Variants in SORL1 observed in about 807,000 individuals in gnomAD.
SORL1 encodes the protein sortilin related receptor 1.
SORL1 carries 127 observed loss-of-function variants against 273.7 expected under a neutral mutation model. The observed-to-expected ratio is 0.46, with a 90% CI of 0.40 to 0.54. The LOEUF is 0.54. Ranked by LOEUF, SORL1 falls within the 20% of genes least tolerant of loss-of-function variation. SORL1 has a pLI of 0.00. For synonymous variants in SORL1, 1,031 were observed against 1,067.4 expected (o/e 0.97, Z 0.66); for missense variants, 2,494 against 2,846.1 (o/e 0.88, Z 2.81).
chr11:121,533,182 A>G (rs1862226422), intron 12 of SORL1, among the ~76,000 whole-genome samples: 5 of 152,116 alleles, frequency 3.3e-5, no homozygotes, highest in Admixed American at 3.3e-4. Flanking sequence ...ATAATAATAC[A>G]TCAGTAACAA....
intron 3 of SORL1, 39 bp downstream of exon 3, chr11:121,478,282 G>A: frequency 6.2e-7 from 1 of 1,600,218 alleles, no homozygotes; most frequent in Non-Finnish European, 8.5e-7. Flanking sequence ...GACTTCATGG[G>A]ACTGGGTTTT....
At chr11:121,607,532 C>T (rs1219072597) in intron 37 of SORL1, among the ~76,000 whole-genome samples, 3 of 152,196 alleles carry the variant, frequency 2.0e-5, no homozygotes, top group African/African-American at 7.2e-5. Flanking sequence ...ATGCCGCTTT[C>T]CCTGCTTTTA....
At chr11:121,625,358 CT>C (rs1863780706) in intron 46 of SORL1, 81 bp downstream of exon 46, 1 of 1,102,380 alleles carries the variant, frequency 9.1e-7, no homozygotes, top group Non-Finnish European at 1.3e-6. Flanking sequence ...GACCATGTGT[CT>C]TTCTAAAACA....
At chr11:121,512,017 G>A (rs1450421653) in intron 6 of SORL1, among the ~76,000 whole-genome samples, 1 of 152,180 alleles carries the variant, frequency 6.6e-6, no homozygotes, top group East Asian at 1.9e-4. Flanking sequence ...TGATAGATAT[G>A]CAACATTTGC....
At chr11:121,573,714 T>C (rs1379418412) in intron 23 of SORL1, among the ~76,000 whole-genome samples, 1 of 152,182 alleles carries the variant, frequency 6.6e-6, no homozygotes, top group Non-Finnish European at 1.5e-5. Flanking sequence ...CGTAGGGAGA[T>C]TAAAATTAAT....
Position 121,563,208 on chromosome 11 carries a change from A to C in SORL1, c.3049+3551A>C, listed in dbSNP as rs946170907. Among the ~76,000 whole-genome samples the C allele has an allele frequency of 2.0e-5, 3 of 152,214 alleles. No homozygotes were observed. Among genetic ancestry groups the C allele is most frequent in the African/African-American group, 7.2e-5 (3 of 41,444 alleles). ...TTGACTTCAAAGCCTGAACTTCGATAAAACCACCCGGCTCTGCTCCCTCTG... is the reference window on the plus strand; with the variant it reads ...TTGACTTCAAAGCCTGAACTTCGATCAAACCACCCGGCTCTGCTCCCTCTG... On this transcript the variant is annotated intron_variant, in intron 21 of 47. Transcript: ENST00000260197. This position sits in a 1 kb window ranked among gnomAD's most constrained non-coding sequence, Gnocchi z 4.2.
chr11:121,514,584 G>T (rs1861924415), intron 8 of SORL1, among the ~76,000 whole-genome samples: 3 of 152,136 alleles, frequency 2.0e-5, no homozygotes, highest in Admixed American at 1.3e-4. Flanking sequence ...AACATTTAGG[G>T]TCCGAGCTAC....
chr11:121,598,500 G>A (rs962656072), intron 32 of SORL1, among the ~76,000 whole-genome samples: 2 of 152,186 alleles, frequency 1.3e-5, no homozygotes, highest in African/African-American at 4.8e-5. Context: ...CTGAGGTAGT[G>A]CAAGTCATCC....
chr11:121,512,641 G>A (rs1861896811), intron 6 of SORL1, among the ~76,000 whole-genome samples: 1 of 152,182 alleles, frequency 6.6e-6, no homozygotes, highest in African/African-American at 2.4e-5. Context: ...GGGGGCCGTA[G>A]GCTCCTCCCT....
At chr11:121,455,978 G>C (rs1449582686) in intron 1 of SORL1, among the ~76,000 whole-genome samples, 1 of 148,808 alleles carries the variant, frequency 6.7e-6, no homozygotes, top group Non-Finnish European at 1.5e-5. Flanking sequence ...GGGGGACAGA[G>C]TGAGACTCCA....
At chr11:121,580,987 A>G (rs1354486429) in intron 25 of SORL1, among the ~76,000 whole-genome samples, 2 of 146,420 alleles carry the variant, frequency 1.4e-5, no homozygotes, top group Non-Finnish European at 3.0e-5. Context: ...ATCTTGGCTT[A>G]CTGCATCCTC....
chr11:121,572,997 G>A (rs1448747309), intron 23 of SORL1, among the ~76,000 whole-genome samples: 2 of 151,576 alleles, frequency 1.3e-5, no homozygotes, highest in Admixed American at 1.3e-4. Context: ...TTACCTCCTG[G>A]GTCAGCCTTT....
intron 1 of SORL1, among the ~76,000 whole-genome samples, chr11:121,469,121 C>T (rs1479625522): frequency 6.6e-6 from 1 of 152,200 alleles, no homozygotes; most frequent in Non-Finnish European, 1.5e-5. Context: ...CCGTCTTCGG[C>T]TCTGCCCTCC....
chr11:121,619,689 C>A, intron 42 of SORL1, 64 bp from the exon 43 acceptor site: 2 of 1,221,128 alleles, frequency 1.6e-6, no homozygotes, highest in Non-Finnish European at 2.3e-6. Context: ...TGAAAAAATA[C>A]TTTAATAAAG....
chr11:121,583,599 C>T lies in SORL1; in HGVS notation c.3706+16C>T, dbSNP rs1429313626. The T allele has an allele frequency of 1.3e-5, 21 of 1,596,332 alleles. No homozygotes were observed. The highest frequency in any genetic ancestry group is 1.7e-5 in the Non-Finnish European group (20 of 1,171,346). The stretch of plus-strand genomic sequence containing the variant: ...GTCAACTGTGGTAAATGCAAATTCC[C>T]CAGCTCCCTCCCTGAGCCTCCCCAG... On this transcript the variant is annotated intron_variant, in intron 26 of 47. Coordinates refer to ENST00000260197, the MANE Select transcript of SORL1 (RefSeq NM_003105.6).
At chr11:121,555,620 T>G (rs1862567841) in intron 18 of SORL1, among the ~76,000 whole-genome samples, 1 of 152,152 alleles carries the variant, frequency 6.6e-6, no homozygotes, top group Non-Finnish European at 1.5e-5. Context: ...TTTACTACTT[T>G]TATTAAACAT....
At chr11:121,551,954 G>A (rs954177569) in intron 16 of SORL1, among the ~76,000 whole-genome samples, 6 of 152,218 alleles carry the variant, frequency 3.9e-5, no homozygotes, top group African/African-American at 1.4e-4. Flanking sequence ...TTGCTCTTGA[G>A]GGGCTGGAGT....
At chr11:121,514,921 T>A (rs916591718) in intron 8 of SORL1, among the ~76,000 whole-genome samples, 4 of 152,058 alleles carry the variant, frequency 2.6e-5, no homozygotes, top group Non-Finnish European at 4.4e-5. Flanking sequence ...GTTCTTAAGA[T>A]CCGTTCAGGG....
chr11:121,492,230 G>A (rs1260896042), intron 5 of SORL1, among the ~76,000 whole-genome samples: 3 of 152,104 alleles, frequency 2.0e-5, no homozygotes, highest in Non-Finnish European at 2.9e-5. Context: ...GCATGGTGGC[G>A]GGTGCCTGTA....
Sources: allele counts gnomAD v4.1 joint callset (sites outside exome capture counted in the v4.1 genomes callset), GRCh38; gene constraint gnomAD v4.1.1; non-coding constraint Gnocchi (gnomAD v3.1); transcripts MANE v1.5; gene names NCBI Gene and HGNC (gene_info 2026-07-23, HGNC 2026-07-21).